ARMC9: variants seen among roughly 807,000 people sequenced by gnomAD.
The protein encoded by ARMC9 is armadillo repeat containing 9, also known as lisH domain-containing protein ARMC9.
ARMC9 carries 94 observed loss-of-function variants against 107.0 expected under a neutral mutation model. That is an observed-to-expected ratio of 0.88 (90% CI 0.74 to 1.04). ARMC9 has a LOEUF of 1.04. Ranked by LOEUF, ARMC9 falls within the 50% of genes least tolerant of loss-of-function variation. The probability of loss-of-function intolerance (pLI) is 0.00; values close to 1 mark genes in which losing one functional copy is unlikely to be tolerated. For missense variants in ARMC9, 942 were observed against 1,030.1 expected, an observed-to-expected ratio of 0.91 and a Z score of 1.17; for synonymous variants, 380 against 396.9, an observed-to-expected ratio of 0.96 and a Z score of 0.51.
intron 21 of ARMC9, among the ~76,000 whole-genome samples, chr2:231,349,627 C>A (rs2044965556): frequency 6.6e-6 from 1 of 152,020 alleles, no homozygotes; most frequent in Non-Finnish European, 1.5e-5. Flanking sequence ...ACTAAAAATA[C>A]AAAAATTAAC....
chr2:231,356,912 T>A (rs1409503182), intron 22 of ARMC9, among the ~76,000 whole-genome samples: 2 of 152,168 alleles, frequency 1.3e-5, no homozygotes, highest in Admixed American at 6.5e-5. Flanking sequence ...CATTTCAAGT[T>A]CTTAGGCCTG....
chr2:231,260,911 C>T (rs1044629468), intron 11 of ARMC9, among the ~76,000 whole-genome samples: 3 of 152,146 alleles, frequency 2.0e-5, no homozygotes, highest in Non-Finnish European at 4.4e-5. Flanking sequence ...AGTGCCCCCA[C>T]CCGGCTTTTT....
At chr2:231,228,138 A>G (rs1261876607) in intron 7 of ARMC9, among the ~76,000 whole-genome samples, 1 of 152,176 alleles carries the variant, frequency 6.6e-6, no homozygotes, top group Non-Finnish European at 1.5e-5. Context: ...GTTTGCTCAC[A>G]TCCAACACAG....
chr2:231,299,519 T>C (rs1378832142), intron 19 of ARMC9, among the ~76,000 whole-genome samples: 1 of 152,126 alleles, frequency 6.6e-6, no homozygotes, highest in Non-Finnish European at 1.5e-5. Context: ...CTGTGCATTT[T>C]TGTGGGTTGA....
chr2:231,369,231 C>T (rs1038672413), intron 23 of ARMC9, among the ~76,000 whole-genome samples: 4 of 152,214 alleles, frequency 2.6e-5, no homozygotes, highest in Non-Finnish European at 5.9e-5. Context: ...CCCATGGGTG[C>T]CTGCATTTCC....
chr2:231,240,387 CT>C (rs982250872), intron 9 of ARMC9, among the ~76,000 whole-genome samples: 6 of 152,122 alleles, frequency 3.9e-5, no homozygotes, highest in Admixed American at 1.3e-4. Flanking sequence ...AGCAGGGACA[CT>C]TTTTTTCCCC....
chr2:231,207,505 T>A (rs1361418651), intron 2 of ARMC9, among the ~76,000 whole-genome samples: 1 of 151,646 alleles, frequency 6.6e-6, no homozygotes, highest in Non-Finnish European at 1.5e-5. Flanking sequence ...AGATGGAGTC[T>A]CACTCTGTCG....
chr2:231,313,263 G>A (rs1475406904), intron 19 of ARMC9, among the ~76,000 whole-genome samples: 1 of 152,154 alleles, frequency 6.6e-6, no homozygotes, highest in Non-Finnish European at 1.5e-5. Context: ...TATTTGGTCT[G>A]TCCAATATTA....
In ARMC9 at chr2:231,258,974, C is replaced by T. The variant is rs753362239; in HGVS notation, c.915-17C>T. 7 of 1,592,988 alleles carry T rather than the reference C, an allele frequency of 4.4e-6. No homozygotes were observed. In the South Asian group the frequency reaches 7.7e-5, roughly 18 times the overall value. On this transcript the variant is annotated splice_polypyrimidine_tract_variant and intron_variant, in intron 10 of 24. Coordinates refer to ENST00000611582, the MANE Select transcript of ARMC9 (RefSeq NM_001352754.2). ...TTTTGCCCTTTTCTTTCTCTTTGAA[C>T]TTGTGTTGCTGAGTAGGAAATTGAA...
intron 6 of ARMC9, among the ~76,000 whole-genome samples, chr2:231,225,809 C>T (rs1480413890): frequency 6.6e-6 from 1 of 152,142 alleles, no homozygotes; most frequent in African/African-American, 2.4e-5. Flanking sequence ...GTGATGGTTG[C>T]ATAACTCTGA....
At position 231,360,821 on chromosome 2, in the gene ARMC9, C is replaced by A; in HGVS notation, c.2199C>A (p.Pro733=). ...GCCAGGAAGAGCCTCGCCCAGCCCC[C>A]ACGGGGACCCCCCGCCAGCCAAGGG... ...RGRQEEPRPA[P]TGTPRQPREA... The change falls in exon 23 of 25, where the codon CCC becomes CCA. Residue 733 remains proline (P), a synonymous_variant. Transcript: ENST00000611582. The surrounding 1 kb of genome is among the most constrained non-coding windows in gnomAD (Gnocchi z 4.7). 6.5e-7 allele frequency: 1 copy of A among 1,536,090 alleles called. No individual in the cohort carries two copies. Among genetic ancestry groups the A allele is most frequent in the Non-Finnish European group, 8.7e-7 (1 of 1,146,882 alleles).
chr2:231,211,358 T>TA (rs773845468), intron 3 of ARMC9, among the ~76,000 whole-genome samples: 3,481 of 131,142 alleles, frequency 0.027, 90 homozygotes, highest in African/African-American at 0.07. Context: ...CCGCCTCTAC[T>TA]AAAAAAAAAA....
intron 17 of ARMC9, among the ~76,000 whole-genome samples, chr2:231,286,783 G>A (rs1170794090): frequency 6.6e-6 from 1 of 152,092 alleles, no homozygotes; most frequent in Non-Finnish European, 1.5e-5. Context: ...CATGGAAAAT[G>A]ACACAATATA....
At chr2:231,248,929 A>G (rs1180675827) in intron 9 of ARMC9, among the ~76,000 whole-genome samples, 3 of 152,042 alleles carry the variant, frequency 2.0e-5, no homozygotes, top group Non-Finnish European at 4.4e-5. Flanking sequence ...TATTGCCTCA[A>G]GGGTTCCATT....
intron 17 of ARMC9, among the ~76,000 whole-genome samples, chr2:231,283,070 G>A (rs1354180468): frequency 6.6e-6 from 1 of 152,120 alleles, no homozygotes; most frequent in Non-Finnish European, 1.5e-5. Context: ...TGGAGGGGGT[G>A]GGGAGTGAAG....
intron 21 of ARMC9, among the ~76,000 whole-genome samples, chr2:231,345,520 GT>G (rs2044769362): frequency 1.3e-5 from 2 of 152,170 alleles, no homozygotes; most frequent in Non-Finnish European, 2.9e-5. Flanking sequence ...ACTGGATGCT[GT>G]TTTAGCTGCC....
At chr2:231,327,681 G>A (rs2043419988) in intron 19 of ARMC9, among the ~76,000 whole-genome samples, 1 of 152,154 alleles carries the variant, frequency 6.6e-6, no homozygotes, top group African/African-American at 2.4e-5. Flanking sequence ...TTATTTCTCT[G>A]GGATAAATGC....
At position 231,215,019 on chromosome 2, in the gene ARMC9, T is replaced by TG. The variant is rs767219019; in HGVS notation, c.348+19dup. 5.3e-5 allele frequency: 85 copies of TG among 1,613,004 alleles called. No homozygotes were observed. The South Asian group carries it at 9.1e-4, about 17-fold the overall frequency. Reference sequence around the variant, plus strand: ...GGAGACCGGTGGGTTTACCTGGTGATGCGGGTGGGTCTGAGTGGTGTGTTA... The same window carrying TG: ...GGAGACCGGTGGGTTTACCTGGTGATGGCGGGTGGGTCTGAGTGGTGTGTTA... On this transcript the variant is annotated intron_variant, in intron 4 of 24. Coordinates refer to ENST00000611582, the MANE Select transcript of ARMC9 (RefSeq NM_001352754.2).
At chr2:231,262,987 G>A (rs138405726) in intron 12 of ARMC9, among the ~76,000 whole-genome samples, 1 of 119,770 alleles carries the variant, frequency 8.3e-6, no homozygotes, top group Admixed American at 7.2e-5. Flanking sequence ...ACAGTCAGGT[G>A]GGGGAAGTCC....
Sources: allele counts gnomAD v4.1 joint callset (sites outside exome capture counted in the v4.1 genomes callset), GRCh38; gene constraint gnomAD v4.1.1; non-coding constraint Gnocchi (gnomAD v3.1); transcripts MANE v1.5; gene names NCBI Gene and HGNC (gene_info 2026-07-23, HGNC 2026-07-21).